The following PGAP2 variants were observed in gnomAD, a reference collection of about 807,000 sequenced individuals.
PGAP2 encodes acyltransferase PGAP2.
PGAP2 carries 21 observed loss-of-function variants against 33.2 expected under a neutral mutation model. The ratio of observed to expected loss-of-function variants is 0.63; its 90% CI spans 0.45 to 0.91. PGAP2 has a LOEUF of 0.91. Ranked by LOEUF, PGAP2 falls within the 40% of genes least tolerant of loss-of-function variation. The pLI is 0.00. For synonymous variants in PGAP2, 161 were observed against 172.9 expected, an observed-to-expected ratio of 0.93 and a Z score of 0.54; for missense variants, 345 against 424.0, an observed-to-expected ratio of 0.81 and a Z score of 1.64.
intron 3 of PGAP2, among the ~76,000 whole-genome samples, chr11:3,819,708 G>T (rs2088051028): frequency 6.6e-6 from 1 of 152,142 alleles, no homozygotes; most frequent in South Asian, 2.1e-4. Context: ...GGGGAAGTTT[G>T]GGGTGAGCTG....
intron 1 of PGAP2, among the ~76,000 whole-genome samples, chr11:3,803,373 T>C (rs151317222): frequency 0.028 from 4,069 of 147,078 alleles, 183 homozygotes; most frequent in African/African-American, 0.095. Flanking sequence ...ATGATCCACC[T>C]GCCTCGGCCT....
At chr11:3,809,176 G>A (rs1403903438) in intron 1 of PGAP2, among the ~76,000 whole-genome samples, 1 of 152,180 alleles carries the variant, frequency 6.6e-6, no homozygotes, top group African/African-American at 2.4e-5. Flanking sequence ...CAGACTCGAG[G>A]CTGAGGAGAT....
upstream of PGAP2, chr11:3,797,754 T>G: frequency 1.0e-5 from 15 of 1,463,230 alleles, no homozygotes; most frequent in Middle Eastern, 1.8e-4. Flanking sequence ...GTAGGAGCGG[T>G]GAGAGGGCCG....
upstream of PGAP2, among the ~76,000 whole-genome samples, chr11:3,803,796 TA>T (rs367850034): frequency 8.1e-4 from 41 of 50,924 alleles, no homozygotes; most frequent in Non-Finnish European, 1.1e-3. Context: ...TATATATATA[TA>T]TTTTTTTTTT....
chr11:3,811,714 G>A lies in PGAP2; in HGVS notation c.165+290G>A, dbSNP rs1332730911. On this transcript the variant is annotated intron_variant, in intron 2 of 6. Coordinates refer to ENST00000278243, the MANE Select transcript of PGAP2 (RefSeq NM_014489.4). This position sits in a 1 kb window ranked among gnomAD's most constrained non-coding sequence, Gnocchi z 4.6. ...CATTTACTTTGATATCCTAGAGAAAGTGGTCTTACATCTTTCTTCCTGGCC... is the reference window on the plus strand; with the variant it reads ...CATTTACTTTGATATCCTAGAGAAAATGGTCTTACATCTTTCTTCCTGGCC... Among the ~76,000 whole-genome samples the A allele has an allele frequency of 1.3e-5, 2 of 152,098 alleles. No homozygotes were observed. Among genetic ancestry groups the A allele is most frequent in the African/African-American group, 2.4e-5 (1 of 41,414 alleles).
chr11:3,823,943 G>T lies in PGAP2; in HGVS notation c.409G>T (p.Val137Leu). ...CGGCGGGGAGGTGCCCCAGCGCTAC[G>T]TGTGGCGTTTCTGCATCGGCCTGCA... ...AIGGEVPQRY[V>L]WRFCIGLHSA... Residue 137 changes from valine to leucine, a missense_variant, in exon 4 of 7, where the codon GTG becomes TTG. Val to Leu is a conservative substitution (Grantham distance 32). Around this residue, in one of 2 missense-constraint regions of PGAP2, gnomAD observed 311 missense variants for 353.6 expected, o/e 0.88. Coordinates refer to ENST00000278243, the MANE Select transcript of PGAP2 (RefSeq NM_014489.4). 6.2e-7 allele frequency: 1 copy of T among 1,606,630 alleles called. No individual in the cohort carries two copies.
At chr11:3,806,163 C>T (rs2084303286), upstream of PGAP2, among the ~76,000 whole-genome samples, 1 of 151,980 alleles carries the variant, frequency 6.6e-6, no homozygotes, top group Admixed American at 6.6e-5. Context: ...AGAGGGGACC[C>T]AGCCTCAGGG....
chr11:3,801,502 C>T (rs1590088544), intron 1 of PGAP2, among the ~76,000 whole-genome samples: 2 of 151,214 alleles, frequency 1.3e-5, no homozygotes, highest in South Asian at 4.2e-4. Context: ...ATTAGCCGGG[C>T]GCGGTGGCAG....
chr11:3,804,792 C>T (rs2084039801), upstream of PGAP2, among the ~76,000 whole-genome samples: 1 of 152,192 alleles, frequency 6.6e-6, no homozygotes, highest in African/African-American at 2.4e-5. Context: ...ACCTCCGCCT[C>T]CTGGGTTCAA....
chr11:3,825,413 C>A lies in PGAP2; in HGVS notation c.903C>A (p.Asn301Lys), dbSNP rs768873816. The A allele has an allele frequency of 2.5e-6, 4 of 1,613,846 alleles. No individual in the cohort carries two copies. The highest frequency in any genetic ancestry group is 3.4e-6 in the Non-Finnish European group (4 of 1,179,964). Residue 301 changes from asparagine (N) to lysine (K), a missense_variant, in exon 7 of 7, where the codon AAC becomes AAA. By Grantham distance (94) the Asn-to-Lys change is moderately conservative. Around this residue, in one of 2 missense-constraint regions of PGAP2, gnomAD observed 311 missense variants for 353.6 expected, o/e 0.88. Coordinates refer to ENST00000278243, the MANE Select transcript of PGAP2 (RefSeq NM_014489.4). ...FHMTAWWDFG[N>K]KELLITSQPE... ...TGACGGCCTGGTGGGACTTCGGGAACAAGGAGCTGCTCATAACCTCTCAGC... is the reference window on the plus strand; with the variant it reads ...TGACGGCCTGGTGGGACTTCGGGAAAAAGGAGCTGCTCATAACCTCTCAGC...
At chr11:3,798,635 A>AT (rs35252971) in intron 1 of PGAP2, among the ~76,000 whole-genome samples, 50 of 131,324 alleles carry the variant, frequency 3.8e-4, no homozygotes, top group South Asian at 7.6e-4. Flanking sequence ...CCATGAACTA[A>AT]TTTTTTTTTT....
intron 3 of PGAP2, 45 bp from the exon 4 acceptor site, chr11:3,823,838 C>T (rs763253388): frequency 5.6e-6 from 9 of 1,596,540 alleles, no homozygotes; most frequent in East Asian, 4.5e-5. Context: ...TCCACATGGG[C>T]GGGGCTGGCA....
upstream of PGAP2, among the ~76,000 whole-genome samples, chr11:3,805,259 C>CTTT (rs1171517604): frequency 1.5e-4 from 19 of 123,198 alleles, no homozygotes; most frequent in Admixed American, 2.5e-4. Context: ...TGTGGATATT[C>CTTT]TTTTTTTTTT....
intron 1 of PGAP2, among the ~76,000 whole-genome samples, chr11:3,801,673 G>C (rs924379968): frequency 1.3e-5 from 2 of 149,782 alleles, no homozygotes; most frequent in Non-Finnish European, 3.0e-5. Flanking sequence ...TTCCGGGCAC[G>C]GGGGCTCACT....
chr11:3,814,635 A>G (rs1161209845), intron 2 of PGAP2, among the ~76,000 whole-genome samples: 1 of 142,552 alleles, frequency 7.0e-6, no homozygotes, highest in Non-Finnish European at 1.5e-5. Context: ...CTGGTCTTCA[A>G]CTCCTGAGCT....
intron 2 of PGAP2, among the ~76,000 whole-genome samples, chr11:3,815,650 G>T: frequency 6.6e-6 from 1 of 152,178 alleles, no homozygotes; most frequent in Admixed American, 6.5e-5. Context: ...GTTCTCTGCT[G>T]GGCCTTGATT....
intron 2 of PGAP2, among the ~76,000 whole-genome samples, chr11:3,812,011 C>G (rs2085673098): frequency 6.6e-6 from 1 of 151,944 alleles, no homozygotes; most frequent in Admixed American, 6.6e-5. Flanking sequence ...CTGTGCCTGT[C>G]TGTATGGAGA....
At chr11:3,805,099 C>T (rs2084090507), upstream of PGAP2, among the ~76,000 whole-genome samples, 1 of 152,056 alleles carries the variant, frequency 6.6e-6, no homozygotes, top group African/African-American at 2.4e-5. Flanking sequence ...CAGAAAGGGT[C>T]GGTGACAGCC....
In PGAP2 at chr11:3,824,286, TTTCA is replaced by T. The variant is rs1320708830; in HGVS notation, c.621_624del (p.Phe207LeufsTer20). 3 of 1,614,216 alleles carry T rather than the reference TTTCA, an allele frequency of 1.9e-6. No individual in the cohort carries two copies. Among genetic ancestry groups the T allele is most frequent in the Admixed American group, 1.7e-5 (1 of 60,028 alleles). On this transcript the variant is annotated frameshift_variant, in exon 5 of 7. Transcript: ENST00000278243. LOFTEE classifies it high-confidence loss of function. ...TCCCTCCAGCCATCCACGAAAATGCTTTCATTGTGTTCATTGCCTCATCCCTCGG... is the reference window on the plus strand; with the variant it reads ...TCCCTCCAGCCATCCACGAAAATGCTTTGTGTTCATTGCCTCATCCCTCGG...
Sources: gnomAD v4.1 joint callset for allele counts (sites outside exome capture counted in the v4.1 genomes callset) on GRCh38, gnomAD v4.1.1 for gene constraint, gnomAD v4.1.1 regional missense constraint, Gnocchi (gnomAD v3.1) non-coding constraint, MANE v1.5 for transcripts, NCBI Gene and HGNC (gene_info 2026-07-23, HGNC 2026-07-21) for gene names.